The following CDH18 variants were observed in gnomAD, a reference collection of about 807,000 sequenced individuals.
The protein encoded by CDH18 is cadherin 18, also known as cadherin-18.
CDH18 carries 31 observed loss-of-function variants against 67.9 expected under a neutral mutation model. The ratio of observed to expected loss-of-function variants is 0.46; its 90% confidence interval spans 0.34 to 0.62. The LOEUF (loss-of-function observed/expected upper bound fraction) is 0.62. Ranked by LOEUF, CDH18 falls within the 20% of genes least tolerant of loss-of-function variation. The pLI, the probability that CDH18 is intolerant of heterozygous loss-of-function variation, is 0.01. For missense variants in CDH18, 890 were observed against 975.5 expected, an observed-to-expected ratio of 0.91 and a Z score of 1.17; for synonymous variants, 362 against 347.2, an observed-to-expected ratio of 1.04 and a Z score of -0.48.
intron 3 of CDH18, among the ~76,000 whole-genome samples, chr5:19,832,144 T>C (rs1781107418): frequency 6.6e-6 from 1 of 152,060 alleles, no homozygotes; most frequent in Non-Finnish European, 1.5e-5. Context: ...AAAAACTACC[T>C]ATTGATTACT....
chr5:20,400,671 A>G (rs1460403792), intron 1 of CDH18, among the ~76,000 whole-genome samples: 1 of 151,634 alleles, frequency 6.6e-6, no homozygotes, highest in East Asian at 1.9e-4. Flanking sequence ...CTGAGGCACG[A>G]TAATTGTTTG....
chr5:20,164,847 G>A (rs1736167566), intron 2 of CDH18, among the ~76,000 whole-genome samples: 2 of 151,992 alleles, frequency 1.3e-5, no homozygotes, highest in African/African-American at 2.4e-5. Context: ...AGATAACATT[G>A]TTTGCATAAC....
rs1421797705 is a variant in CDH18, at chr5:20,195,690, T to C, written c.-518+59754A>G. ...AATTTAAGAAAGACAAAATATGATA[T>C]ACTTTTAGATTTTGATGGAGGATAA... On this transcript the variant is annotated intron_variant, in intron 2 of 14. Coordinates refer to the CDH18 transcript ENST00000507958. Among the ~76,000 whole-genome samples the C allele has an allele frequency of 3.9e-5, 6 of 152,218 alleles. 1 individual carries two copies. In the Middle Eastern group the frequency reaches 0.01, roughly 261 times the overall value.
chr5:20,111,546 CTTTTTTT>C (rs760458451), intron 2 of CDH18, among the ~76,000 whole-genome samples: 21 of 51,906 alleles, frequency 4.0e-4, no homozygotes, highest in South Asian at 7.3e-4. Context: ...TTCCTTCTTT[CTTTTTTT>C]TTTTTTTTTT....
At position 19,888,513 on chromosome 5, in the gene CDH18, A is replaced by G. The variant is rs188762938; in HGVS notation, c.-256-49271T>C. Among the ~76,000 whole-genome samples, 86 of 152,094 alleles carry G rather than the reference A, an allele frequency of 5.7e-4. 2 individuals carry two copies. In the East Asian group the frequency reaches 0.013, roughly 23 times the overall value. ...TATGGTGTGTTAAATTTATAAATGTATATAAATTTATATATATGTAGTAGT... is the reference window on the plus strand; with the variant it reads ...TATGGTGTGTTAAATTTATAAATGTGTATAAATTTATATATATGTAGTAGT... On this transcript the variant is annotated intron_variant, in intron 2 of 12. Transcript: ENST00000382275.
chr5:20,319,642 CAA>C (rs1737806510), intron 1 of CDH18, among the ~76,000 whole-genome samples: 1 of 152,164 alleles, frequency 6.6e-6, no homozygotes, highest in African/African-American at 2.4e-5. Context: ...ACATGGCAGA[CAA>C]GAGTGTCGAA....
rs547756460 is a variant in CDH18, at chr5:20,181,496, A to G, written c.-518+73948T>C. 2.6e-5 allele frequency among the ~76,000 whole-genome samples: 4 copies of G among 152,264 alleles called. No homozygotes were observed. The South Asian group carries it at 8.3e-4, about 32-fold the overall frequency. ...AGTTCTCAACTGAGGCAACCACTCC[A>G]GTGAGCCCTGGTAATACCTCAAGGC... On this transcript the variant is annotated intron_variant, in intron 2 of 14. Transcript: ENST00000507958.
In CDH18 at chr5:19,855,224, T is replaced by G. The variant is rs571612648; in HGVS notation, c.-256-15982A>C. 7.2e-5 allele frequency among the ~76,000 whole-genome samples: 11 copies of G among 152,254 alleles called. No homozygotes were observed. In the East Asian group the frequency reaches 2.1e-3, roughly 29 times the overall value. ...CCCCTGCTCTTCTGTTTCCTATGTG[T>G]TTATAAGAAGATGATTTAAAATGAA... On this transcript the variant is annotated intron_variant, in intron 2 of 12. Transcript: ENST00000382275.
At chr5:19,801,160 T>C (rs1338898483) in intron 3 of CDH18, among the ~76,000 whole-genome samples, 1 of 151,966 alleles carries the variant, frequency 6.6e-6, no homozygotes, top group East Asian at 1.9e-4. Context: ...ATAATAGAGG[T>C]GGCATGAAGA....
chr5:19,735,737 G>T (rs181206262), intron 4 of CDH18, among the ~76,000 whole-genome samples: 2 of 152,022 alleles, frequency 1.3e-5, no homozygotes, highest in Non-Finnish European at 2.9e-5. Flanking sequence ...CCTATACTTC[G>T]TAAGAAAAAT....
intron 2 of CDH18, among the ~76,000 whole-genome samples, chr5:19,876,772 G>A (rs1459645337): frequency 6.6e-6 from 1 of 152,112 alleles, no homozygotes; most frequent in Non-Finnish European, 1.5e-5. Context: ...GGAAAACTCA[G>A]GTAGGGACTG....
intron 2 of CDH18, among the ~76,000 whole-genome samples, chr5:20,004,478 T>C (rs192443896): frequency 3.5e-4 from 54 of 152,306 alleles, no homozygotes; most frequent in African/African-American, 1.2e-3. Flanking sequence ...CTTCACCCAA[T>C]TGCATGGCAA....
chr5:20,487,181 C>T (rs1395319936), intron 1 of CDH18, among the ~76,000 whole-genome samples: 1 of 152,138 alleles, frequency 6.6e-6, no homozygotes, highest in Admixed American at 6.6e-5. Flanking sequence ...TCTAGGTCCT[C>T]ACCTCTAACC....
intron 2 of CDH18, among the ~76,000 whole-genome samples, chr5:20,058,782 C>T (rs1356196609): frequency 1.3e-5 from 2 of 152,118 alleles, no homozygotes; most frequent in Non-Finnish European, 2.9e-5. Context: ...ATTTGTATAA[C>T]TGAAAAATAT....
chr5:20,424,875 T>C (rs1172395926), intron 1 of CDH18, among the ~76,000 whole-genome samples: 1 of 147,510 alleles, frequency 6.8e-6, no homozygotes, highest in Non-Finnish European at 1.5e-5. Flanking sequence ...AACCACAGAA[T>C]GCAGTGAGCA....
intron 8 of CDH18, among the ~76,000 whole-genome samples, chr5:19,550,465 C>T (rs1286298525): frequency 6.6e-6 from 1 of 151,816 alleles, no homozygotes; most frequent in Non-Finnish European, 1.5e-5. Flanking sequence ...TTCCTGTGTC[C>T]ATGTGTTCTC....
chr5:19,775,804 G>C (rs533551035), intron 3 of CDH18, among the ~76,000 whole-genome samples: 1 of 152,242 alleles, frequency 6.6e-6, no homozygotes, highest in East Asian at 1.9e-4. Flanking sequence ...AATTAAGGCT[G>C]TCTTTGCAAT....
chr5:20,025,109 A>T (rs566500537), intron 2 of CDH18, among the ~76,000 whole-genome samples: 6 of 152,290 alleles, frequency 3.9e-5, no homozygotes, highest in African/African-American at 1.4e-4. Flanking sequence ...CTGATCAGTT[A>T]TCTGACAAGA....
chr5:20,331,882 GA>G (rs1394384249), intron 1 of CDH18, among the ~76,000 whole-genome samples: 3 of 152,066 alleles, frequency 2.0e-5, no homozygotes, highest in African/African-American at 7.2e-5. Flanking sequence ...TATAATATTA[GA>G]AAAGAGAAGA....
Sources: gnomAD v4.1 joint callset for allele counts (sites outside exome capture counted in the v4.1 genomes callset) on GRCh38, gnomAD v4.1.1 for gene constraint, MANE v1.5 for transcripts, NCBI Gene and HGNC (gene_info 2026-07-23, HGNC 2026-07-21) for gene names.